The following DISC1 variants were observed in gnomAD, a reference collection of about 807,000 sequenced individuals.
DISC1 encodes disrupted in schizophrenia 1 protein.
A neutral mutation model predicts 84.5 loss-of-function variants in DISC1; 57 were observed. The observed-to-expected ratio is 0.67, with a 90% CI of 0.55 to 0.84. DISC1 has a LOEUF of 0.84. Among genes scored for constraint, DISC1 ranks in the 40% least tolerant of loss-of-function variants. DISC1 has a pLI of 0.00. For synonymous variants in DISC1, 411 were observed against 415.2 expected, an observed-to-expected ratio of 0.99 and a Z score of 0.12; for missense variants, 1,000 against 1,057.8, an observed-to-expected ratio of 0.95 and a Z score of 0.76.
At chr1:231,648,632 G>C (rs901363299) in intron 1 of DISC1, among the ~76,000 whole-genome samples, 1 of 152,184 alleles carries the variant, frequency 6.6e-6, no homozygotes, top group Non-Finnish European at 1.5e-5. Flanking sequence ...AGAAGGAATG[G>C]TACCAGCTCC....
At chr1:231,840,502 C>A (rs1483818437) in intron 9 of DISC1, among the ~76,000 whole-genome samples, 1 of 152,074 alleles carries the variant, frequency 6.6e-6, no homozygotes, top group Non-Finnish European at 1.5e-5. Context: ...TACACAACAA[C>A]CTGGCTGCAT....
intron 10 of DISC1, among the ~76,000 whole-genome samples, chr1:232,005,038 C>CTCCGTCCT (rs201086965): frequency 2.4e-4 from 25 of 104,064 alleles, no homozygotes; most frequent in East Asian, 2.7e-4. Context: ...CACTCCCTCC[C>CTCCGTCCT]TCCATCCTTC....
At chr1:231,627,444 A>T (rs1030964592) in intron 1 of DISC1, among the ~76,000 whole-genome samples, 1 of 152,180 alleles carries the variant, frequency 6.6e-6, no homozygotes, top group Non-Finnish European at 1.5e-5. Context: ...TGGGAGCGGG[A>T]CCAGGAACTG....
chr1:231,692,825 A>G (rs935302935), intron 1 of DISC1, among the ~76,000 whole-genome samples: 3 of 152,226 alleles, frequency 2.0e-5, no homozygotes, highest in African/African-American at 7.2e-5. Flanking sequence ...CCTTTAATAT[A>G]AAAGGAAAGC....
intron 10 of DISC1, among the ~76,000 whole-genome samples, chr1:232,008,298 T>C (rs1255800585): frequency 1.3e-5 from 2 of 152,216 alleles, no homozygotes; most frequent in Non-Finnish European, 1.5e-5. Context: ...ATCCATCATA[T>C]TTTCCAGTTG....
rs884159 is a variant in DISC1 at position 231,749,240 on chromosome 1, A to G, written c.1118-686A>G. Reference sequence around the variant, plus strand: ...CTTGGTCCTTTTTTTTGGTGGGGGTAGGGGGGCAGGCAGAATGCCAGGCAT... The same window carrying G: ...CTTGGTCCTTTTTTTTGGTGGGGGTGGGGGGGCAGGCAGAATGCCAGGCAT... On this transcript the variant is annotated intron_variant, in intron 3 of 12. Coordinates refer to ENST00000439617, the MANE Select transcript of DISC1 (RefSeq NM_018662.3). 9.2e-3 allele frequency among the ~76,000 whole-genome samples: 1,401 copies of G among 152,226 alleles called. 16 individuals are homozygous for G. The highest frequency in any genetic ancestry group is 0.032 in the African/African-American group (1,315 of 41,530).
At chr1:231,927,366 C>G (rs185599380) in intron 9 of DISC1, among the ~76,000 whole-genome samples, 2 of 152,306 alleles carry the variant, frequency 1.3e-5, no homozygotes, top group East Asian at 1.9e-4. Flanking sequence ...TCTGCATAGC[C>G]TGATGCTTCA....
intron 9 of DISC1, chr1:231,855,373 T>G (rs2084197166): frequency 1.0e-6 from 1 of 984,388 alleles, no homozygotes; most frequent in Admixed American, 6.2e-5. Context: ...AAAATAACTT[T>G]CCATAAATGA....
At chr1:231,931,823 A>ATT (rs538746775) in intron 9 of DISC1, among the ~76,000 whole-genome samples, 1 of 151,842 alleles carries the variant, frequency 6.6e-6, no homozygotes, top group African/African-American at 2.4e-5. Flanking sequence ...AATTAAAAAA[A>ATT]ATTTTTTTTT....
At chr1:231,958,457 G>A (rs1030848014) in intron 9 of DISC1, among the ~76,000 whole-genome samples, 1 of 152,192 alleles carries the variant, frequency 6.6e-6, no homozygotes, top group Non-Finnish European at 1.5e-5. Context: ...TCATTACACT[G>A]TCAGGTTCTC....
intron 6 of DISC1, among the ~76,000 whole-genome samples, chr1:231,784,662 A>G (rs924900577): frequency 3.9e-5 from 6 of 152,216 alleles, no homozygotes; most frequent in Admixed American, 2.6e-4. Flanking sequence ...TGGTCTTTCT[A>G]TACTTTATTC....
chr1:231,732,491 A>G (rs866449493), intron 3 of DISC1, among the ~76,000 whole-genome samples: 2 of 152,238 alleles, frequency 1.3e-5, no homozygotes, highest in African/African-American at 2.4e-5. Context: ...ATGCATAATC[A>G]TTGTAAAAAT....
At chr1:231,957,534 T>G (rs1659728016) in intron 9 of DISC1, among the ~76,000 whole-genome samples, 1 of 152,138 alleles carries the variant, frequency 6.6e-6, no homozygotes, top group Non-Finnish European at 1.5e-5. Context: ...CCTAGAACAG[T>G]GTGTGGCACA....
chr1:231,690,601 G>A (rs1374048625), intron 1 of DISC1, among the ~76,000 whole-genome samples: 1 of 152,146 alleles, frequency 6.6e-6, no homozygotes, highest in African/African-American at 2.4e-5. Context: ...GTGATGGCAC[G>A]ACTTGGATAT....
chr1:231,800,245 A>G, intron 8 of DISC1, 35 bp downstream of exon 8: 4 of 1,497,406 alleles, frequency 2.7e-6, no homozygotes, highest in Non-Finnish European at 3.7e-6. Flanking sequence ...GAAGCTATCC[A>G]ACTAAAATAA....
At chr1:231,684,595 C>G (rs545302128) in intron 1 of DISC1, among the ~76,000 whole-genome samples, 2 of 152,192 alleles carry the variant, frequency 1.3e-5, no homozygotes, top group South Asian at 4.1e-4. Context: ...ACGTCCTGTT[C>G]CCTGTTAAGA....
At position 231,954,604 on chromosome 1, in the gene DISC1, C is replaced by T. The variant is rs558676736; in HGVS notation, c.1982-4224C>T. Reference sequence around the variant, plus strand: ...ATTTTGTATTCAGCATTTCTTTGAGCGCCCTCTTTGCTTCTTGGAACCTTG... The same window carrying T: ...ATTTTGTATTCAGCATTTCTTTGAGTGCCCTCTTTGCTTCTTGGAACCTTG... On this transcript the variant is annotated intron_variant, in intron 9 of 12. Transcript: ENST00000439617. The surrounding 1 kb of genome is among the most constrained non-coding windows in gnomAD (Gnocchi z 4.8). 2.1e-4 allele frequency among the ~76,000 whole-genome samples: 32 copies of T among 152,278 alleles called. No homozygotes were observed. The South Asian group carries it at 3.9e-3, about 19-fold the overall frequency.
chr1:231,828,118 C>T (rs550471659), intron 9 of DISC1, among the ~76,000 whole-genome samples: 1 of 152,246 alleles, frequency 6.6e-6, no homozygotes, highest in South Asian at 2.1e-4. Context: ...GAATATCTCT[C>T]TTTTCCTATG....
chr1:232,000,530 A>G (rs892361190), intron 10 of DISC1, among the ~76,000 whole-genome samples: 3 of 152,182 alleles, frequency 2.0e-5, no homozygotes, highest in African/African-American at 7.2e-5. Context: ...AGAATATTTG[A>G]AGAAACAATG....
Sources: allele counts gnomAD v4.1 joint callset (sites outside exome capture counted in the v4.1 genomes callset), GRCh38; gene constraint gnomAD v4.1.1; non-coding constraint Gnocchi (gnomAD v3.1); transcripts MANE v1.5; gene names NCBI Gene and HGNC (gene_info 2026-07-23, HGNC 2026-07-21).